Variants in POLE observed in about 807,000 individuals in gnomAD.
POLE encodes the protein DNA polymerase epsilon catalytic subunit A.
POLE carries 188 observed loss-of-function variants against 279.2 expected under a neutral mutation model. The observed-to-expected ratio is 0.67, with a 90% CI of 0.60 to 0.76. The LOEUF (loss-of-function observed/expected upper bound fraction) is 0.76. POLE is among the 30% of genes least tolerant of loss of function. POLE has a pLI of 0.00. For missense variants in POLE, 2,703 were observed against 3,016.7 expected (o/e 0.90, Z 2.44); for synonymous variants, 1,214 against 1,172.5 (o/e 1.04, Z -0.72).
chr12:132,637,584 C>G (rs2042058495), intron 41 of POLE, among the ~76,000 whole-genome samples: 1 of 152,246 alleles, frequency 6.6e-6, no homozygotes, highest in Non-Finnish European at 1.5e-5. Flanking sequence ...CAGGCTCTGA[C>G]AGCTGAGAGC....
rs1060500819 is a variant in POLE at position 132,661,110 on chromosome 12, G to T, written c.2919C>A (p.Val973=). The stretch of plus-strand genomic sequence containing the variant: ...TCAGCTGCAGTTCCCCGCGGCGTTT[G>T]ACCTCAAAGCCCTTGAGCTCAGCCA... ...GSLAELKGFE[V]KRRGELQLIK... Residue 973 remains valine (V), a synonymous_variant, in exon 25 of 49, where the codon GTC becomes GTA. Coordinates refer to ENST00000320574, the MANE Select transcript of POLE (RefSeq NM_006231.4). This position sits in a 1 kb window ranked among gnomAD's most constrained non-coding sequence, Gnocchi z 4.1. The T allele has an allele frequency of 6.2e-7, 1 of 1,613,534 alleles. No individual in the cohort carries two copies.
chr12:132,676,338 G>T, intron 9 of POLE, 134 bp from the exon 10 acceptor site: 2 of 742,412 alleles, frequency 2.7e-6, no homozygotes, highest in Non-Finnish European at 2.3e-6. Context: ...AGTGCTTTAA[G>T]CTTCCTGAGA....
rs1433054330 is a variant in POLE at position 132,649,803 on chromosome 12, T to G, written c.3669A>C (p.Pro1223=). ...EDFGLVKLPH[P]AAPVTVKRKR... ...TCCTCTTCACAGTGACAGGGGCTGC[T>G]GGGTGAGGCAGCTTTACGAGGCCGA... Residue 1223 remains proline, a synonymous_variant, in exon 30 of 49, where the codon CCA becomes CCC. Coordinates refer to ENST00000320574, the MANE Select transcript of POLE (RefSeq NM_006231.4). 2 of 1,614,170 alleles carry G rather than the reference T, an allele frequency of 1.2e-6. No homozygotes were observed. Among genetic ancestry groups the G allele is most frequent in the Non-Finnish European group, 1.7e-6 (2 of 1,180,028 alleles).
At chr12:132,676,257 A>G in intron 9 of POLE, 53 bp from the exon 10 acceptor site, 1 of 1,233,072 alleles carries the variant, frequency 8.1e-7, no homozygotes, top group Non-Finnish European at 1.2e-6. Context: ...AAGCCAAGAA[A>G]TGGCGTTCCC....
intron 41 of POLE, 83 bp from the exon 42 acceptor site, chr12:132,636,107 G>A (rs1800328636): frequency 1.0e-5 from 14 of 1,347,580 alleles, no homozygotes; most frequent in Middle Eastern, 3.8e-4. Flanking sequence ...GTATCTATCT[G>A]TACCCTCCAC....
intron 12 of POLE, 81 bp from the exon 13 acceptor site, chr12:132,673,788 CCA>C: frequency 6.5e-7 from 1 of 1,539,926 alleles, no homozygotes; most frequent in Non-Finnish European, 8.9e-7. Flanking sequence ...AAACTGGGCA[CCA>C]CACAGACAGA....
intron 38 of POLE, 120 bp from the exon 39 acceptor site, chr12:132,641,971 C>A (rs1379817200): frequency 3.0e-6 from 3 of 1,013,528 alleles, no homozygotes; most frequent in Non-Finnish European, 4.4e-6. Context: ...CCACACCCAT[C>A]CTCACACCTG....
Position 132,675,442 on chromosome 12 carries a change from CT to C in POLE, c.1181del (p.Gln394ArgfsTer18), listed in dbSNP as rs764289504. ...TGCACTGGGGCGCCTTGTACTCCCC[CT>C]GGCTGTCCTTCTGGAAGCCTATCTC... ...QQEIGFQKDS[Q>X]GEYKAPQCIH... On this transcript the variant is annotated frameshift_variant, in exon 12 of 49. Coordinates refer to ENST00000320574, the MANE Select transcript of POLE (RefSeq NM_006231.4). LOFTEE classifies it high-confidence loss of function. The surrounding 1 kb of genome is among the most constrained non-coding windows in gnomAD (Gnocchi z 4.3). 3 of 1,614,212 alleles carry C rather than the reference CT, an allele frequency of 1.9e-6. No individual in the cohort carries two copies. The highest frequency in any genetic ancestry group is 1.1e-5 in the South Asian group (1 of 91,088).
Position 132,642,782 on chromosome 12 carries a change from A to G in POLE, c.4728+38T>C, listed in dbSNP as rs541125790. 5.6e-6 allele frequency: 9 copies of G among 1,613,156 alleles called. No individual in the cohort carries two copies. The East Asian group carries it at 2.0e-4, about 36-fold the overall frequency. On this transcript the variant is annotated intron_variant, in intron 36 of 48. Transcript: ENST00000320574. ...ACCTGGGTGGACCCAGCCTCAAAGA[A>G]GATGGGGCTCACACAGCAAGACCCC...
chr12:132,658,168 A>G lies in POLE; in HGVS notation c.3276-198T>C, dbSNP rs1052418611. ...GAGTAACACGTGCGTATGTGTAAAC[A>G]CGTGCGTGTGTGCACGTAAACATGT... On this transcript the variant is annotated intron_variant, in intron 26 of 48. Coordinates refer to ENST00000320574, the MANE Select transcript of POLE (RefSeq NM_006231.4). 1.7e-5 allele frequency: 9 copies of G among 527,940 alleles called. No homozygotes were observed. The East Asian group carries it at 2.3e-4, about 13-fold the overall frequency. The allele number at this position is 527,940 out of a possible 1,614,324, so 32.7% of individuals were successfully genotyped here.
chr12:132,634,463 C>T lies in POLE; in HGVS notation c.5812-85G>A. On this transcript the variant is annotated intron_variant, in intron 42 of 48. Coordinates refer to ENST00000320574, the MANE Select transcript of POLE (RefSeq NM_006231.4). The surrounding 1 kb of genome is among the most constrained non-coding windows in gnomAD (Gnocchi z 4.0). Reference sequence around the variant, plus strand: ...GATGCCACAGCGAAGGCTCCTCCAACCTGGGTCCATCTGCCCCGTTTGACC... The same window carrying T: ...GATGCCACAGCGAAGGCTCCTCCAATCTGGGTCCATCTGCCCCGTTTGACC... The T allele has an allele frequency of 7.3e-7, 1 of 1,370,622 alleles. No individual in the cohort carries two copies. The highest frequency in any genetic ancestry group is 1.0e-6 in the Non-Finnish European group (1 of 985,204). 84.9% of individuals were successfully genotyped at this position (1,370,622 alleles called of 1,614,324 possible). A position where few individuals can be genotyped will look rare whatever the true frequency, so the allele number is the denominator to read the frequency against.
chr12:132,629,362 A>G (rs2041892516), intron 45 of POLE, among the ~76,000 whole-genome samples: 1 of 152,204 alleles, frequency 6.6e-6, no homozygotes, highest in Non-Finnish European at 1.5e-5. Flanking sequence ...CTAGCTATGA[A>G]AGTCCTAGAT....
chr12:132,668,787 C>A lies in POLE; in HGVS notation c.1923+24G>T, dbSNP rs1303679124. On this transcript the variant is annotated intron_variant, in intron 17 of 48. Coordinates refer to ENST00000320574, the MANE Select transcript of POLE (RefSeq NM_006231.4). The surrounding 1 kb of genome is among the most constrained non-coding windows in gnomAD (Gnocchi z 4.0). ...GGGCTGGGCAGAGAGAGCTCCGACT[C>A]TGACACGGGAAGTAAAGTCTCACCT... The A allele has an allele frequency of 6.2e-7, 1 of 1,613,802 alleles. No individual in the cohort carries two copies. Among genetic ancestry groups the A allele is most frequent in the Non-Finnish European group, 8.5e-7 (1 of 1,179,690 alleles).
In POLE at chr12:132,642,419, C is replaced by T. The variant is rs1339659985; in HGVS notation, c.4953-22G>A. The T allele has an allele frequency of 2.1e-5, 33 of 1,591,022 alleles. No individual in the cohort carries two copies. In the East Asian group the frequency reaches 7.2e-4, roughly 35 times the overall value. On this transcript the variant is annotated intron_variant, in intron 37 of 48. Transcript: ENST00000320574. The stretch of plus-strand genomic sequence containing the variant: ...GTACCTGCACCAGGGCACAGGTCAG[C>T]ACCGGGGCACATCGCCGGGTCACAG...
At chr12:132,651,354 CTG>C (rs1033062437) in intron 29 of POLE, 2 of 152,228 alleles carry the variant, frequency 1.3e-5, no homozygotes, top group Non-Finnish European at 2.9e-5. Context: ...AAACTACAAA[CTG>C]TGACTCAATG....
chr12:132,644,000 C>G (rs2042218827), intron 32 of POLE, 23 bp from the exon 33 acceptor site: 1 of 1,607,296 alleles, frequency 6.2e-7, no homozygotes, highest in Non-Finnish European at 8.5e-7. Flanking sequence ...CGACGATGAT[C>G]TCGTCACTGG....
At chr12:132,671,014 G>A (rs1485677337) in intron 16 of POLE, among the ~76,000 whole-genome samples, 1 of 152,084 alleles carries the variant, frequency 6.6e-6, no homozygotes, top group East Asian at 1.9e-4. Flanking sequence ...TGTAATCCCA[G>A]CACTTTGGGA....
intron 2 of POLE, 86 bp downstream of exon 2, chr12:132,681,052 T>C: frequency 6.8e-7 from 1 of 1,479,660 alleles, no homozygotes; most frequent in Non-Finnish European, 9.2e-7. Flanking sequence ...TTCCCTCATG[T>C]GTCCCCCACT....
rs979512342 is a variant in POLE, at chr12:132,673,533, G to A, written c.1359+42C>T. On this transcript the variant is annotated intron_variant, in intron 13 of 48. Coordinates refer to ENST00000320574, the MANE Select transcript of POLE (RefSeq NM_006231.4). ...GGCTGCTCCGTGGCCATCTGGATGC[G>A]TGCACACGGCAGCAGGGGCAGCCGG... 13 of 1,589,824 alleles carry A rather than the reference G, an allele frequency of 8.2e-6. No individual in the cohort carries two copies. The highest frequency in any genetic ancestry group is 2.2e-5 in the South Asian group (2 of 89,786).
Sources: gnomAD v4.1 joint callset for allele counts (sites outside exome capture counted in the v4.1 genomes callset) on GRCh38, gnomAD v4.1.1 for gene constraint, Gnocchi (gnomAD v3.1) non-coding constraint, MANE v1.5 for transcripts, NCBI Gene and HGNC (gene_info 2026-07-23, HGNC 2026-07-21) for gene names.